Variants in NKAIN3 observed in about 807,000 individuals in gnomAD.
NKAIN3 encodes sodium/potassium-transporting ATPase subunit beta-1-interacting protein 3.
Under a neutral mutation model 30.2 loss-of-function variants are expected in NKAIN3, and 25 were observed. That is an observed-to-expected ratio of 0.83 (90% CI 0.60 to 1.16). The LOEUF is 1.16. Among genes scored for constraint, NKAIN3 ranks in the 50% most tolerant of loss-of-function variants. The pLI is 0.00. For synonymous variants in NKAIN3, 91 were observed against 89.6 expected, an observed-to-expected ratio of 1.02 and a Z score of -0.09; for missense variants, 225 against 254.1, an observed-to-expected ratio of 0.89 and a Z score of 0.78.
At chr8:62,867,181 C>T (rs1262677401) in intron 4 of NKAIN3, among the ~76,000 whole-genome samples, 1 of 151,518 alleles carries the variant, frequency 6.6e-6, no homozygotes, top group Non-Finnish European at 1.5e-5. Context: ...TCAGAACACC[C>T]GAATGATTAA....
intron 1 of NKAIN3, among the ~76,000 whole-genome samples, chr8:62,439,959 G>A (rs1441216811): frequency 6.6e-6 from 1 of 152,194 alleles, no homozygotes; most frequent in Non-Finnish European, 1.5e-5. Flanking sequence ...ATATTAATAT[G>A]AGGAGAATGT....
chr8:62,863,576 T>C, intron 4 of NKAIN3: 1 of 1,159,718 alleles, frequency 8.6e-7, no homozygotes, highest in Non-Finnish European at 1.3e-6. Context: ...CATGCAGACA[T>C]GTATCCCATT....
intron 1 of NKAIN3, among the ~76,000 whole-genome samples, chr8:62,458,787 A>G (rs1486658566): frequency 6.6e-6 from 1 of 152,234 alleles, no homozygotes; most frequent in Non-Finnish European, 1.5e-5. Flanking sequence ...ATCAGAATTC[A>G]TTGCACCTCT....
intron 4 of NKAIN3, among the ~76,000 whole-genome samples, chr8:62,904,879 T>A (rs1821731535): frequency 6.6e-6 from 1 of 152,156 alleles, no homozygotes; most frequent in African/African-American, 2.4e-5. Context: ...TGTGCCTTAT[T>A]CAAGGAGTAT....
At chr8:62,821,995 TG>T (rs1359311288) in intron 4 of NKAIN3, among the ~76,000 whole-genome samples, 3 of 152,214 alleles carry the variant, frequency 2.0e-5, no homozygotes, top group Admixed American at 6.5e-5. Context: ...TAGAGGGTGA[TG>T]GGCAAAGCCA....
At chr8:62,813,072 A>G (rs1818543303) in intron 4 of NKAIN3, among the ~76,000 whole-genome samples, 1 of 151,730 alleles carries the variant, frequency 6.6e-6, no homozygotes, top group Non-Finnish European at 1.5e-5. Flanking sequence ...GTGATATCCA[A>G]TTTTCCTGGC....
chr8:62,875,076 G>T (rs28767608), intron 4 of NKAIN3, among the ~76,000 whole-genome samples: 10,990 of 151,828 alleles, frequency 0.072, 498 homozygotes, highest in South Asian at 0.14. Context: ...CCCCATCGTC[G>T]CAGCCCAAAA....
At position 62,747,128 on chromosome 8, in the gene NKAIN3, C is replaced by G; in HGVS notation, c.470C>G (p.Ser157Cys). Reference protein sequence around the residue: ...VIHSAVQILLSLVGFVYACYV... With the variant: ...VIHSAVQILLCLVGFVYACYV... ...CACAGTGCTGTCCAAATACTACTCT[C>G]TGTAAGTGTCACTTTTGTGTCATTA... Residue 157 changes from serine to cysteine, a missense_variant and splice_region_variant, in exon 4 of 7, where the codon TCT becomes TGT. Transcript: ENST00000623646. The G allele has an allele frequency of 1.3e-6, 2 of 1,581,066 alleles. No homozygotes were observed. The highest frequency in any genetic ancestry group is 2.2e-5 in the South Asian group (2 of 89,982).
Position 62,599,533 on chromosome 8 carries a change from C to T in NKAIN3, c.273+9739C>T, listed in dbSNP as rs926077323. 1.1e-4 allele frequency among the ~76,000 whole-genome samples: 16 copies of T among 152,044 alleles called. No individual in the cohort carries two copies. The South Asian group carries it at 2.9e-3, about 28-fold the overall frequency. ...AGTAAATGGTGGTTCTCATTATTAC[C>T]TTCAACATCATCATCTTTATTATTA... is the stretch of plus-strand genomic sequence containing the variant. On this transcript the variant is annotated intron_variant, in intron 3 of 6. Transcript: ENST00000623646.
intron 1 of NKAIN3, among the ~76,000 whole-genome samples, chr8:62,459,880 T>A (rs1189343810): frequency 1.3e-5 from 2 of 152,114 alleles, no homozygotes; most frequent in Non-Finnish European, 2.9e-5. Flanking sequence ...GACTTTTAGG[T>A]CATGCTAAGA....
rs2130919438 is a variant in NKAIN3, at chr8:62,976,637, A to G, written c.*11230A>G. On this transcript the variant is annotated 3_prime_UTR_variant, in exon 7 of 7. Coordinates refer to ENST00000623646, the MANE Select transcript of NKAIN3 (RefSeq NM_001304533.3). ...CCAATGGGTTTTGACTCTTTATCCA[A>G]TTTGCCAGTCTGTGCCTTTTAATTG... 6.6e-6 allele frequency among the ~76,000 whole-genome samples: 1 copy of G among 152,176 alleles called. No homozygotes were observed. The highest frequency in any genetic ancestry group is 1.9e-4 in the East Asian group (1 of 5,178).
At chr8:62,789,241 T>A (rs1426474146) in intron 4 of NKAIN3, among the ~76,000 whole-genome samples, 3 of 152,110 alleles carry the variant, frequency 2.0e-5, no homozygotes, top group Non-Finnish European at 4.4e-5. Context: ...CTTGAAGAGG[T>A]CCTTCACATC....
chr8:62,855,823 G>T, intron 4 of NKAIN3: 1 of 887,868 alleles, frequency 1.1e-6, no homozygotes, highest in Non-Finnish European at 1.9e-6. Flanking sequence ...TGGAATCCTG[G>T]AGGAGTCACC....
intron 4 of NKAIN3, among the ~76,000 whole-genome samples, chr8:62,897,673 C>G (rs1021992674): frequency 2.0e-5 from 3 of 152,078 alleles, no homozygotes; most frequent in African/African-American, 4.8e-5. Flanking sequence ...GGAGGTGACT[C>G]CCAGTGGAAG....
At chr8:62,441,610 A>G (rs1402519563) in intron 1 of NKAIN3, among the ~76,000 whole-genome samples, 4 of 152,002 alleles carry the variant, frequency 2.6e-5, no homozygotes, top group Non-Finnish European at 5.9e-5. Flanking sequence ...CTCATATCAA[A>G]CAACTTCCCA....
At chr8:62,296,793 T>C (rs2129587576) in intron 1 of NKAIN3, among the ~76,000 whole-genome samples, 1 of 152,282 alleles carries the variant, frequency 6.6e-6, no homozygotes, top group Non-Finnish European at 1.5e-5. Context: ...TGCAGATCCA[T>C]GCAGCCAGTT....
intron 1 of NKAIN3, among the ~76,000 whole-genome samples, chr8:62,566,967 C>T (rs1809772356): frequency 6.6e-6 from 1 of 152,032 alleles, no homozygotes; most frequent in African/African-American, 2.4e-5. Context: ...TATATATACT[C>T]TAGGATATAT....
At chr8:62,539,483 T>C (rs904281786) in intron 1 of NKAIN3, among the ~76,000 whole-genome samples, 4 of 152,224 alleles carry the variant, frequency 2.6e-5, no homozygotes, top group Non-Finnish European at 2.9e-5. Flanking sequence ...ATTAGAGGTA[T>C]ATGGTGTGCA....
At chr8:62,496,774 G>A (rs1189156513) in intron 1 of NKAIN3, among the ~76,000 whole-genome samples, 3 of 152,170 alleles carry the variant, frequency 2.0e-5, no homozygotes, top group Non-Finnish European at 2.9e-5. Flanking sequence ...CATGATTAGC[G>A]TAGATTAGAC....
Sources: gnomAD v4.1 joint callset for allele counts (sites outside exome capture counted in the v4.1 genomes callset) on GRCh38, gnomAD v4.1.1 for gene constraint, MANE v1.5 for transcripts, NCBI Gene and HGNC (gene_info 2026-07-23, HGNC 2026-07-21) for gene names.